Variants in ANKS1A observed in about 807,000 individuals in gnomAD.
ANKS1A encodes the protein ankyrin repeat and sterile alpha motif domain containing 1A.
A neutral mutation model predicts 120.3 loss-of-function variants in ANKS1A; 55 were observed. The observed-to-expected ratio is 0.46, with a 90% CI of 0.37 to 0.57. ANKS1A has a LOEUF of 0.57. Among genes scored for constraint, ANKS1A ranks in the 20% least tolerant of loss-of-function variants. The pLI, the probability that ANKS1A is intolerant of heterozygous loss-of-function variation, is 0.00. For missense variants in ANKS1A, 1,123 were observed against 1,480.3 expected (o/e 0.76, Z 3.96); for synonymous variants, 590 against 604.7 (o/e 0.98, Z 0.36).
rs1352346806 is a variant in ANKS1A at position 35,017,813 on chromosome 6, A to G, written c.1764A>G (p.Ala588=). ...RSHPETLTHT[A]SPHPGGAEEG... ...ACCCTGAAACTTTGACTCACACAGC[A>G]TCTCCGCACCCTGGTGGTGCTGAGG... Residue 588 remains alanine, a synonymous_variant, in exon 11 of 24, where the codon GCA becomes GCG. Transcript: ENST00000360359. 4 of 1,614,164 alleles carry G rather than the reference A, an allele frequency of 2.5e-6. No homozygotes were observed. Among genetic ancestry groups the G allele is most frequent in the Non-Finnish European group, 3.4e-6 (4 of 1,180,028 alleles).
downstream of ANKS1A, among the ~76,000 whole-genome samples, chr6:35,095,548 CTG>C (rs1490996648): frequency 2.7e-5 from 3 of 109,822 alleles, no homozygotes; most frequent in African/African-American, 7.6e-5. Flanking sequence ...CAGAGGGAGA[CTG>C]TGTCACAAAA....
Position 35,084,038 on chromosome 6 carries a change from G to A in ANKS1A, c.2995-83G>A. On this transcript the variant is annotated intron_variant, in intron 20 of 23. Coordinates refer to ENST00000360359, the MANE Select transcript of ANKS1A (RefSeq NM_015245.3). This position sits in a 1 kb window ranked among gnomAD's most constrained non-coding sequence, Gnocchi z 4.8. The stretch of plus-strand genomic sequence containing the variant: ...ATGCTCTAGGCTGGGACAGAGAACA[G>A]TGACAATGGTAACAGGCTGGGGCAG... 3.2e-6 allele frequency: 5 copies of A among 1,573,602 alleles called. No homozygotes were observed. Among genetic ancestry groups the A allele is most frequent in the Non-Finnish European group, 4.3e-6 (5 of 1,153,712 alleles).
chr6:35,082,686 C>T lies in ANKS1A; in HGVS notation c.2710-5C>T, dbSNP rs376470434. ...AGCAGGTGTCCAATTGCGTGTGTTT[C>T]GCAGGAGGAGCACCGTGAGGCCAAG... On this transcript the variant is annotated splice_polypyrimidine_tract_variant and splice_region_variant and intron_variant, in intron 17 of 23. Transcript: ENST00000360359. This position sits in a 1 kb window ranked among gnomAD's most constrained non-coding sequence, Gnocchi z 4.1. 5.1e-5 allele frequency: 82 copies of T among 1,606,098 alleles called. No individual in the cohort carries two copies. Among genetic ancestry groups the T allele is most frequent in the African/African-American group, 3.1e-4 (23 of 74,608 alleles).
chr6:34,943,952 T>C (rs1484566430), intron 1 of ANKS1A, among the ~76,000 whole-genome samples: 1 of 152,190 alleles, frequency 6.6e-6, no homozygotes, highest in African/African-American at 2.4e-5. Flanking sequence ...TATTTAGCTT[T>C]GTAAGAAACT....
At chr6:35,005,801 C>T in intron 10 of ANKS1A, 1 of 436,984 alleles carries the variant, frequency 2.3e-6, no homozygotes, top group Non-Finnish European at 4.5e-6. Flanking sequence ...GCCTGTAATC[C>T]CAGCACTTTG....
chr6:34,899,414 A>AG (rs1242523352), intron 1 of ANKS1A, among the ~76,000 whole-genome samples: 1 of 152,130 alleles, frequency 6.6e-6, no homozygotes, highest in Non-Finnish European at 1.5e-5. Flanking sequence ...TGGGAGGCTG[A>AG]GGCCAGAGGA....
At chr6:34,977,819 G>A (rs1048058927) in intron 3 of ANKS1A, among the ~76,000 whole-genome samples, 1 of 152,022 alleles carries the variant, frequency 6.6e-6, no homozygotes, top group African/African-American at 2.4e-5. Flanking sequence ...TTTCATTGCT[G>A]CAGATAGCTA....
intron 13 of ANKS1A, among the ~76,000 whole-genome samples, chr6:35,066,239 T>G (rs1202299868): frequency 6.6e-6 from 1 of 152,048 alleles, no homozygotes; most frequent in Admixed American, 6.5e-5. Flanking sequence ...GAAGGTGGTG[T>G]TTTTCTGAAA....
chr6:34,891,804 T>C (rs763232968), intron 1 of ANKS1A, among the ~76,000 whole-genome samples: 1 of 152,172 alleles, frequency 6.6e-6, no homozygotes, highest in African/African-American at 2.4e-5. Flanking sequence ...AATTTTTGTA[T>C]TTTTTGTAGA....
At chr6:34,896,027 T>C (rs1391329327) in intron 1 of ANKS1A, among the ~76,000 whole-genome samples, 2 of 150,932 alleles carry the variant, frequency 1.3e-5, no homozygotes, top group Admixed American at 1.3e-4. Flanking sequence ...CCTCCGGAAG[T>C]GCTAGGATTA....
intron 11 of ANKS1A, among the ~76,000 whole-genome samples, chr6:35,021,631 A>C (rs918026126): frequency 6.6e-6 from 1 of 152,154 alleles, no homozygotes; most frequent in African/African-American, 2.4e-5. Context: ...TAATGTTACT[A>C]TCTTGCTTGG....
intron 11 of ANKS1A, among the ~76,000 whole-genome samples, chr6:35,020,406 C>T (rs1774274143): frequency 6.6e-6 from 1 of 152,154 alleles, no homozygotes; most frequent in African/African-American, 2.4e-5. Flanking sequence ...ACTTGAACAT[C>T]CACAGGTTTT....
At chr6:34,972,602 C>T in intron 3 of ANKS1A, 1 of 985,364 alleles carries the variant, frequency 1.0e-6, no homozygotes, top group Non-Finnish European at 1.2e-6. Flanking sequence ...GATCAAAGAA[C>T]TCAAAAAGTA....
chr6:34,921,973 G>T (rs1768455454), intron 1 of ANKS1A, among the ~76,000 whole-genome samples: 1 of 151,776 alleles, frequency 6.6e-6, no homozygotes, highest in African/African-American at 2.4e-5. Context: ...TGGGACTACA[G>T]GTGTGAGCCA....
At chr6:34,951,871 G>A (rs1278270258) in intron 1 of ANKS1A, among the ~76,000 whole-genome samples, 2 of 152,104 alleles carry the variant, frequency 1.3e-5, no homozygotes, top group Admixed American at 1.3e-4. Context: ...TTCCTCCCTA[G>A]AACATCACGC....
chr6:35,083,077 GA>G, intron 18 of ANKS1A, 77 bp from the exon 19 acceptor site: 1 of 1,558,678 alleles, frequency 6.4e-7, no homozygotes, highest in South Asian at 1.1e-5. Context: ...TTGATTGTGG[GA>G]CAGTCCCAAA....
intron 13 of ANKS1A, among the ~76,000 whole-genome samples, chr6:35,067,415 C>T (rs548894894): frequency 1.2e-4 from 19 of 152,298 alleles, no homozygotes; most frequent in South Asian, 2.1e-4. Context: ...CCCAGACGAA[C>T]GTGCTGAGTA....
In ANKS1A at chr6:34,889,581, C is replaced by T. The variant is rs779705410; in HGVS notation, c.179C>T (p.Pro60Leu). The T allele has an allele frequency of 2.4e-5, 31 of 1,298,866 alleles. No homozygotes were observed. Among genetic ancestry groups the T allele is most frequent in the Non-Finnish European group, 1.8e-5 (19 of 1,033,866 alleles). The allele number at this position is 1,298,866 out of a possible 1,614,324, so 80.5% of individuals were successfully genotyped here. ...GGCGGCCTCGGCTCTTCCAGCCACC[C>T]CCTCTCCAGTCTGCTCAGGTGGGTA... is the stretch of plus-strand genomic sequence containing the variant. The part of the protein sequence containing the change: ...GGGGLGSSSH[P>L]LSSLLSMWRG... The change falls in exon 1 of 24, where the codon CCC becomes CTC. Residue 60 changes from proline (P) to leucine (L), a missense_variant. By Grantham distance (98) the Pro-to-Leu change is moderately conservative (BLOSUM62 -3). Around this residue, in one of 3 missense-constraint regions of ANKS1A, gnomAD observed 146 missense variants for 267.8 expected, o/e 0.55. Transcript: ENST00000360359. The surrounding 1 kb of genome is among the most constrained non-coding windows in gnomAD (Gnocchi z 5.5).
chr6:34,998,318 C>T (rs138531277), intron 10 of ANKS1A, among the ~76,000 whole-genome samples: 2 of 148,060 alleles, frequency 1.4e-5, no homozygotes, highest in African/African-American at 5.0e-5. Flanking sequence ...AGCTTTTAAC[C>T]CCTCCTTAGT....
Sources: allele counts gnomAD v4.1 joint callset (sites outside exome capture counted in the v4.1 genomes callset), GRCh38; gene constraint gnomAD v4.1.1; regional missense constraint gnomAD v4.1.1; non-coding constraint Gnocchi (gnomAD v3.1); transcripts MANE v1.5; gene names NCBI Gene and HGNC (gene_info 2026-07-23, HGNC 2026-07-21).